Variants in ARMH3 observed in about 807,000 individuals in gnomAD.
ARMH3 encodes armadillo like helical domain containing 3, also known as armadillo-like helical domain-containing protein 3.
Under a neutral mutation model 99.1 loss-of-function variants are expected in ARMH3, and 60 were observed. The observed-to-expected ratio is 0.61, with a 90% CI of 0.49 to 0.75. The LOEUF (loss-of-function observed/expected upper bound fraction) is 0.75, where lower values mean the gene tolerates loss of function less well. Among genes scored for constraint, ARMH3 ranks in the 30% least tolerant of loss-of-function variants. ARMH3 has a pLI of 0.00. For missense variants in ARMH3, 679 were observed against 843.1 expected, an observed-to-expected ratio of 0.81 and a Z score of 2.41; for synonymous variants, 285 against 292.8, an observed-to-expected ratio of 0.97 and a Z score of 0.27.
At chr10:101,913,766 C>T (rs541643231) in intron 23 of ARMH3, among the ~76,000 whole-genome samples, 82 of 152,288 alleles carry the variant, frequency 5.4e-4, no homozygotes, top group Non-Finnish European at 8.4e-4. Flanking sequence ...CCCTCCTTCC[C>T]GGAGCTGCCA....
rs902955881 is a variant in ARMH3 at position 101,879,128 on chromosome 10, C to G, written c.1860+10284G>C. Reference sequence around the variant, plus strand: ...ATCTTCACTCTCCTTCCTTCTTTCTCCACTTTCCTGTACTTTTTCCTTCAG... The same window carrying G: ...ATCTTCACTCTCCTTCCTTCTTTCTGCACTTTCCTGTACTTTTTCCTTCAG... On this transcript the variant is annotated intron_variant, in intron 24 of 25. Transcript: ENST00000370033. Among the ~76,000 whole-genome samples the G allele has an allele frequency of 2.6e-5, 4 of 152,174 alleles. 1 individual carries two copies. The highest frequency in any genetic ancestry group is 4.4e-5 in the Non-Finnish European group (3 of 68,046).
chr10:101,884,715 A>G (rs2067497654), intron 24 of ARMH3, among the ~76,000 whole-genome samples: 1 of 152,178 alleles, frequency 6.6e-6, no homozygotes, highest in Admixed American at 6.5e-5. Flanking sequence ...AGATTTGGCA[A>G]TAACTTCTTG....
chr10:101,918,369 T>G (rs12269369), intron 23 of ARMH3, among the ~76,000 whole-genome samples: 1,572 of 152,292 alleles, frequency 0.01, 30 homozygotes, highest in African/African-American at 0.032. Flanking sequence ...GTATATTATC[T>G]TTAATAACTA....
At chr10:101,940,004 A>C in intron 22 of ARMH3, 66 bp from the exon 23 acceptor site, 2 of 1,350,082 alleles carry the variant, frequency 1.5e-6, no homozygotes, top group Non-Finnish European at 1.1e-6. Flanking sequence ...TGAGGAATGA[A>C]GACACATCTC....
chr10:102,003,772 C>G (rs1210694962), intron 14 of ARMH3, among the ~76,000 whole-genome samples: 1 of 152,166 alleles, frequency 6.6e-6, no homozygotes, highest in Non-Finnish European at 1.5e-5. Flanking sequence ...CCATAATAAA[C>G]AGCAAGCACA....
At chr10:102,000,512 A>G (rs1462354235) in intron 15 of ARMH3, among the ~76,000 whole-genome samples, 1 of 151,684 alleles carries the variant, frequency 6.6e-6, no homozygotes, top group Non-Finnish European at 1.5e-5. Flanking sequence ...TAATCCCAGT[A>G]CTTTGGGAGG....
chr10:101,978,372 T>G (rs1325861850), intron 19 of ARMH3, among the ~76,000 whole-genome samples: 1 of 152,196 alleles, frequency 6.6e-6, no homozygotes, highest in Non-Finnish European at 1.5e-5. Context: ...GTAGAGAAAT[T>G]AGAACCCTCA....
chr10:102,021,579 G>A (rs1429167873), intron 8 of ARMH3, among the ~76,000 whole-genome samples: 3 of 147,548 alleles, frequency 2.0e-5, no homozygotes, highest in East Asian at 2.0e-4. Flanking sequence ...ACGGAGTCTC[G>A]CTCTGTCACC....
chr10:101,872,176 T>C (rs550730752), intron 24 of ARMH3, among the ~76,000 whole-genome samples: 1 of 151,786 alleles, frequency 6.6e-6, no homozygotes, highest in African/African-American at 2.4e-5. Flanking sequence ...ACTGAGAATA[T>C]GCAAAGAAAA....
chr10:101,905,092 G>A (rs1320030307), intron 23 of ARMH3, among the ~76,000 whole-genome samples: 1 of 152,034 alleles, frequency 6.6e-6, no homozygotes, highest in Non-Finnish European at 1.5e-5. Context: ...TGTCTGTTAA[G>A]ATCTGAAGCA....
chr10:102,050,465 T>C (rs1351649201), intron 1 of ARMH3, among the ~76,000 whole-genome samples: 1 of 151,266 alleles, frequency 6.6e-6, no homozygotes, highest in Admixed American at 6.6e-5. Context: ...AATAAATAAA[T>C]AAATACATAC....
chr10:102,033,414 C>G (rs2067179480), intron 2 of ARMH3, 75 bp from the exon 3 acceptor site: 6 of 1,462,550 alleles, frequency 4.1e-6, no homozygotes, highest in Non-Finnish European at 5.6e-6. Flanking sequence ...ACATAGTCAA[C>G]CTTAGTTTTC....
intron 23 of ARMH3, among the ~76,000 whole-genome samples, chr10:101,907,691 T>C (rs1003484543): frequency 3.3e-5 from 5 of 152,168 alleles, no homozygotes; most frequent in African/African-American, 1.2e-4. Flanking sequence ...GCCGGGATAA[T>C]AGTTTTGATT....
At chr10:101,864,039 C>A (rs2066932276) in intron 24 of ARMH3, among the ~76,000 whole-genome samples, 2 of 129,862 alleles carry the variant, frequency 1.5e-5, no homozygotes, top group African/African-American at 5.9e-5. Context: ...CCAGCCTGGG[C>A]AACAGAGCAA....
At chr10:101,983,696 G>A (rs1846331538) in intron 19 of ARMH3, among the ~76,000 whole-genome samples, 1 of 152,182 alleles carries the variant, frequency 6.6e-6, no homozygotes, top group Non-Finnish European at 1.5e-5. Flanking sequence ...AGGGAGGTTG[G>A]CACACCCCAA....
intron 24 of ARMH3, among the ~76,000 whole-genome samples, chr10:101,859,740 G>A (rs1399263915): frequency 6.6e-6 from 1 of 152,178 alleles, no homozygotes; most frequent in African/African-American, 2.4e-5. Context: ...AAGAGTTGCT[G>A]AGCCATTTTT....
intron 23 of ARMH3, among the ~76,000 whole-genome samples, chr10:101,892,106 T>C (rs2067706665): frequency 6.6e-6 from 1 of 151,866 alleles, no homozygotes; most frequent in Non-Finnish European, 1.5e-5. Flanking sequence ...AGTGAAACCC[T>C]GTCTCCCCGC....
intron 14 of ARMH3, among the ~76,000 whole-genome samples, chr10:102,003,432 G>T (rs2066413817): frequency 6.6e-6 from 1 of 152,106 alleles, no homozygotes; most frequent in Non-Finnish European, 1.5e-5. Flanking sequence ...CAAAGTGTTG[G>T]GATTAAGGCA....
intron 8 of ARMH3, among the ~76,000 whole-genome samples, chr10:102,021,879 A>G (rs1421360586): frequency 1.3e-5 from 2 of 151,826 alleles, no homozygotes; most frequent in Non-Finnish European, 2.9e-5. Flanking sequence ...TTTTGTAGAG[A>G]CTGTCTTACT....
Sources: gnomAD v4.1 joint callset for allele counts (sites outside exome capture counted in the v4.1 genomes callset) on GRCh38, gnomAD v4.1.1 for gene constraint, MANE v1.5 for transcripts, NCBI Gene and HGNC (gene_info 2026-07-23, HGNC 2026-07-21) for gene names.